Variants in TMEM144 observed in about 807,000 individuals in gnomAD.
TMEM144 encodes the protein transmembrane protein 144.
In TMEM144, 39 loss-of-function variants were observed where a neutral mutation model predicts 43.6. The ratio of observed to expected loss-of-function variants is 0.90; its 90% confidence interval spans 0.69 to 1.17. The LOEUF (loss-of-function observed/expected upper bound fraction) is 1.17, where lower values mean the gene tolerates loss of function less well. Ranked by LOEUF, TMEM144 falls within the 50% of genes most tolerant of loss-of-function variation. The pLI, the probability that TMEM144 is intolerant of heterozygous loss-of-function variation, is 0.00. For missense variants in TMEM144, 417 were observed against 411.9 expected (o/e 1.01, Z -0.11); for synonymous variants, 154 against 133.6 (o/e 1.15, Z -1.06).
chr4:158,224,784 G>A (rs1734679147), intron 6 of TMEM144, among the ~76,000 whole-genome samples: 2 of 152,104 alleles, frequency 1.3e-5, no homozygotes, highest in Admixed American at 1.3e-4. Flanking sequence ...ACTGGAGCAG[G>A]GCTTGTCGTC....
chr4:158,241,982 T>G (rs1459890080), intron 11 of TMEM144, among the ~76,000 whole-genome samples: 1 of 152,230 alleles, frequency 6.6e-6, no homozygotes, highest in East Asian at 1.9e-4. Flanking sequence ...ACAAACAATA[T>G]CCTTCACAAA....
At chr4:158,226,550 T>C (rs1734778411) in intron 6 of TMEM144, among the ~76,000 whole-genome samples, 1 of 152,150 alleles carries the variant, frequency 6.6e-6, no homozygotes, top group Non-Finnish European at 1.5e-5. Context: ...TAGGTAAAAA[T>C]TTATATTTTT....
intron 6 of TMEM144, among the ~76,000 whole-genome samples, chr4:158,222,412 T>A (rs1734553003): frequency 6.6e-6 from 1 of 152,184 alleles, no homozygotes; most frequent in African/African-American, 2.4e-5. Flanking sequence ...TACACCACAC[T>A]CCAGACATCT....
At position 158,253,438 on chromosome 4, in the gene TMEM144, A is replaced by C; in HGVS notation, c.955-6A>C. On this transcript the variant is annotated splice_polypyrimidine_tract_variant and splice_region_variant and intron_variant, in intron 12 of 12. Transcript: ENST00000296529. ...TTCATCACTGTTATTCTTTTTTCTT[A>C]TTCAGGGTCTACAAAACTACCTATT... 2 of 1,608,220 alleles carry C rather than the reference A, an allele frequency of 1.2e-6. No homozygotes were observed. Among genetic ancestry groups the C allele is most frequent in the Non-Finnish European group, 1.7e-6 (2 of 1,176,308 alleles).
At position 158,215,398 on chromosome 4, in the gene TMEM144, AC is replaced by A. The variant is rs1734174179; in HGVS notation, c.232+86del. 4 of 1,494,326 alleles carry A rather than the reference AC, an allele frequency of 2.7e-6. No individual in the cohort carries two copies. In the Admixed American group the frequency reaches 7.9e-5, roughly 30 times the overall value. The allele number at this position is 1,494,326 out of a possible 1,614,324, so 92.6% of individuals were successfully genotyped here. A position where few individuals can be genotyped will look rare whatever the true frequency, so the allele number is the denominator to read the frequency against. On this transcript the variant is annotated intron_variant, in intron 4 of 12. Coordinates refer to ENST00000296529, the MANE Select transcript of TMEM144 (RefSeq NM_018342.5). ...TTCACAATAGGAGGAAATAGCGCAA[AC>A]AGTGATTCTGAATAACCCTTAGTCA...
chr4:158,228,842 T>C lies in TMEM144; in HGVS notation c.414-4059T>C, dbSNP rs536358706. Reference sequence around the variant, plus strand: ...GGCCAGGAGCATCGGGCAAGACTCCTGTCTTAAGAGCCAAGCTCCCCAAGT... The same window carrying C: ...GGCCAGGAGCATCGGGCAAGACTCCCGTCTTAAGAGCCAAGCTCCCCAAGT... On this transcript the variant is annotated intron_variant, in intron 6 of 12. Transcript: ENST00000296529. Among the ~76,000 whole-genome samples, 5 of 152,286 alleles carry C rather than the reference T, an allele frequency of 3.3e-5. No homozygotes were observed. The East Asian group carries it at 9.7e-4, about 30-fold the overall frequency.
rs1416743034 is a variant in TMEM144 at position 158,217,361 on chromosome 4, A to G, written c.273A>G (p.Leu91=). ...AVVPIIKTIG[L]GLGILIWGSF... is the part of the protein sequence containing the mutation. ...TCCCAATTATCAAAACCATTGGTTT[A>G]GGCCTTGGAATCTTAATCTGGGGAT... The change falls in exon 5 of 13, where the codon TTA becomes TTG. Residue 91 remains leucine (L), a synonymous_variant. Transcript: ENST00000296529. 2 of 1,613,262 alleles carry G rather than the reference A, an allele frequency of 1.2e-6. No homozygotes were observed. The highest frequency in any genetic ancestry group is 1.7e-6 in the Non-Finnish European group (2 of 1,179,420).
At chr4:158,245,238 GTGTGTGTGTGTGTGTGTGTGTGTGTA>G (rs969690927) in intron 12 of TMEM144, among the ~76,000 whole-genome samples, 8 of 96,120 alleles carry the variant, frequency 8.3e-5, no homozygotes, top group East Asian at 4.7e-4. Flanking sequence ...GTGTGTGTGT[GTGTGTGTGTGTGTGTGTGTGTGTGTA>G]TGTATGTTTT....
rs545305162 is a variant in TMEM144, at chr4:158,221,094, G to T, written c.413+1704G>T. ...AATTATTGCTTCTATCCTCTGTATA[G>T]TCTAATTTTTAAAGGTTGGTTAATT... On this transcript the variant is annotated intron_variant, in intron 6 of 12. Transcript: ENST00000296529. Among the ~76,000 whole-genome samples, 21 of 152,196 alleles carry T rather than the reference G, an allele frequency of 1.4e-4. No individual in the cohort carries two copies. In the South Asian group the frequency reaches 4.2e-3, roughly 30 times the overall value.
chr4:158,242,583 T>G (rs1375815262), intron 11 of TMEM144, among the ~76,000 whole-genome samples: 1 of 152,170 alleles, frequency 6.6e-6, no homozygotes, highest in Non-Finnish European at 1.5e-5. Flanking sequence ...ATTCCCATAG[T>G]TATATATCCA....
intron 4 of TMEM144, among the ~76,000 whole-genome samples, chr4:158,216,392 A>T (rs1734224994): frequency 6.6e-6 from 1 of 152,200 alleles, no homozygotes; most frequent in Admixed American, 6.5e-5. Flanking sequence ...GGGTGGTGGT[A>T]TTGACACATA....
chr4:158,249,887 G>GGTGTGTGTGTGTGTGT (rs149144602), intron 12 of TMEM144, among the ~76,000 whole-genome samples: 6,801 of 134,276 alleles, frequency 0.051, 253 homozygotes, highest in Non-Finnish European at 0.073. Context: ...CCTACTGCCA[G>GGTGTGTGTGTGTGTGT]GTGTGTGTGT....
intron 12 of TMEM144, among the ~76,000 whole-genome samples, chr4:158,253,123 AT>A (rs1257857816): frequency 6.6e-6 from 1 of 152,150 alleles, no homozygotes; most frequent in African/African-American, 2.4e-5. Flanking sequence ...TCAAACAACC[AT>A]GGTGGTTTGC....
chr4:158,224,917 C>T (rs923731740), intron 6 of TMEM144, among the ~76,000 whole-genome samples: 9 of 152,092 alleles, frequency 5.9e-5, no homozygotes, highest in African/African-American at 1.9e-4. Context: ...AGTCTAATAC[C>T]TCTACACAGT....
chr4:158,224,251 G>A (rs1734642095), intron 6 of TMEM144, among the ~76,000 whole-genome samples: 1 of 152,062 alleles, frequency 6.6e-6, no homozygotes, highest in Non-Finnish European at 1.5e-5. Context: ...CTTTTTGATG[G>A]AGTTGTTTGT....
At chr4:158,252,084 T>A (rs1736235655) in intron 12 of TMEM144, among the ~76,000 whole-genome samples, 1 of 152,194 alleles carries the variant, frequency 6.6e-6, no homozygotes, top group Non-Finnish European at 1.5e-5. Flanking sequence ...AGAGTTATTT[T>A]TCAATGATTG....
chr4:158,210,609 A>G (rs1429128151), intron 1 of TMEM144, 23 bp downstream of exon 1: 1 of 152,240 alleles, frequency 6.6e-6, no homozygotes, highest in African/African-American at 2.4e-5. Context: ...ACTCAAAGGA[A>G]AGCCAAGTCG....
At chr4:158,224,819 T>C (rs1227239708) in intron 6 of TMEM144, among the ~76,000 whole-genome samples, 1 of 152,054 alleles carries the variant, frequency 6.6e-6, no homozygotes, top group African/African-American at 2.4e-5. Context: ...TTTGCAGGGG[T>C]TGGCGAAGCT....
intron 6 of TMEM144, among the ~76,000 whole-genome samples, chr4:158,230,428 T>G (rs1006635048): frequency 6.6e-6 from 1 of 152,176 alleles, no homozygotes; most frequent in Non-Finnish European, 1.5e-5. Context: ...TTGTCCATCT[T>G]GGTCCCACCC....
Sources: gnomAD v4.1 joint callset for allele counts (sites outside exome capture counted in the v4.1 genomes callset) on GRCh38, gnomAD v4.1.1 for gene constraint, MANE v1.5 for transcripts, NCBI Gene and HGNC (gene_info 2026-07-23, HGNC 2026-07-21) for gene names.